Variants in PARN observed in about 807,000 individuals in gnomAD.
The protein encoded by PARN is poly(A)-specific ribonuclease PARN.
A neutral mutation model predicts 102.8 loss-of-function variants in PARN; 71 were observed. The observed-to-expected ratio is 0.69, with a 90% confidence interval of 0.57 to 0.84. The LOEUF (loss-of-function observed/expected upper bound fraction) is 0.84. Ranked by LOEUF, PARN falls within the 40% of genes least tolerant of loss-of-function variation. The probability of loss-of-function intolerance (pLI) is 0.00; values close to 1 mark genes in which losing one functional copy is unlikely to be tolerated. For missense variants in PARN, 782 were observed against 760.9 expected (o/e 1.03, Z -0.33); for synonymous variants, 261 against 252.9 (o/e 1.03, Z -0.30).
intron 22 of PARN, among the ~76,000 whole-genome samples, chr16:14,469,016 G>T (rs1236585224): frequency 2.0e-5 from 3 of 151,860 alleles, no homozygotes; most frequent in Non-Finnish European, 4.4e-5. Flanking sequence ...TAAAAAAACG[G>T]GTCTGGTACA....
At chr16:14,440,961 G>C (rs1960915380) in intron 23 of PARN, among the ~76,000 whole-genome samples, 1 of 152,138 alleles carries the variant, frequency 6.6e-6, no homozygotes, top group African/African-American at 2.4e-5. Flanking sequence ...AGATGTCAAA[G>C]CTCATCAAAT....
intron 22 of PARN, among the ~76,000 whole-genome samples, chr16:14,472,626 T>C (rs1028407027): frequency 6.6e-6 from 1 of 152,206 alleles, no homozygotes; most frequent in Non-Finnish European, 1.5e-5. Context: ...ACAAAAAACA[T>C]GGCACCTGCC....
chr16:14,559,337 C>T (rs17260584), intron 18 of PARN, among the ~76,000 whole-genome samples: 25,831 of 151,026 alleles, frequency 0.17, 2,722 homozygotes, highest in Middle Eastern at 0.28. Flanking sequence ...TAATATTTCA[C>T]CTGAATTTTC....
In PARN at chr16:14,630,098, G is replaced by A. The variant is rs1374950366; in HGVS notation, c.19+9C>T. 1.9e-6 allele frequency: 3 copies of A among 1,559,048 alleles called. No individual in the cohort carries two copies. Among genetic ancestry groups the A allele is most frequent in the Non-Finnish European group, 2.6e-6 (3 of 1,150,360 alleles). Reference sequence around the variant, plus strand: ...TGGGGAGGCGGGGAGGTGTACGGCGGACACGCACTGCTCCTGATTATCTCC... The same window carrying A: ...TGGGGAGGCGGGGAGGTGTACGGCGAACACGCACTGCTCCTGATTATCTCC... On this transcript the variant is annotated intron_variant, in intron 1 of 23. Transcript: ENST00000437198.
intron 22 of PARN, among the ~76,000 whole-genome samples, chr16:14,464,045 A>G (rs1030400913): frequency 2.0e-5 from 3 of 152,040 alleles, no homozygotes; most frequent in Non-Finnish European, 4.4e-5. Flanking sequence ...GTTTTGCCAT[A>G]TTGCCCAGGC....
chr16:14,557,052 A>T (rs1967734685), intron 18 of PARN, among the ~76,000 whole-genome samples: 1 of 152,186 alleles, frequency 6.6e-6, no homozygotes, highest in African/African-American at 2.4e-5. Flanking sequence ...CATGCCATTC[A>T]ATTTTCTTTT....
chr16:14,516,477 G>A (rs943281149), intron 21 of PARN, among the ~76,000 whole-genome samples: 8 of 151,988 alleles, frequency 5.3e-5, no homozygotes, highest in African/African-American at 9.7e-5. Flanking sequence ...AAAATTCAGC[G>A]CATCTGGTCA....
chr16:14,544,830 C>A (rs2151694113), intron 21 of PARN, among the ~76,000 whole-genome samples: 1 of 152,252 alleles, frequency 6.6e-6, no homozygotes, highest in Non-Finnish European at 1.5e-5. Context: ...ATTCTACAAT[C>A]ACAGGCGATT....
chr16:14,618,742 T>G (rs1243157807), intron 5 of PARN, among the ~76,000 whole-genome samples: 1 of 152,064 alleles, frequency 6.6e-6, no homozygotes, highest in East Asian at 1.9e-4. Flanking sequence ...ACTGTTGCAG[T>G]ACTGACTAGG....
intron 21 of PARN, among the ~76,000 whole-genome samples, chr16:14,504,976 C>T (rs1157394842): frequency 6.6e-6 from 1 of 152,120 alleles, no homozygotes; most frequent in African/African-American, 2.4e-5. Context: ...ACGTGCAGTG[C>T]TATGGAGAAA....
At chr16:14,524,226 G>T (rs1354673426) in intron 21 of PARN, among the ~76,000 whole-genome samples, 1 of 152,084 alleles carries the variant, frequency 6.6e-6, no homozygotes, top group Non-Finnish European at 1.5e-5. Flanking sequence ...CAGCTACCTG[G>T]TTATGACTTC....
chr16:14,441,486 G>A (rs577619579), intron 23 of PARN, among the ~76,000 whole-genome samples: 1 of 152,326 alleles, frequency 6.6e-6, no homozygotes, highest in South Asian at 2.1e-4. Context: ...TCCACAGAGT[G>A]GACATCCGTA....
intron 6 of PARN, among the ~76,000 whole-genome samples, chr16:14,616,092 CAA>C (rs1228939621): frequency 1.3e-5 from 2 of 152,114 alleles, no homozygotes; most frequent in African/African-American, 4.8e-5. Flanking sequence ...GGAAAAAAAA[CAA>C]AATTTATGTA....
At chr16:14,610,898 G>A in intron 6 of PARN, 89 bp from the exon 7 acceptor site, 4 of 820,244 alleles carry the variant, frequency 4.9e-6, no homozygotes, top group Non-Finnish European at 8.0e-6. Flanking sequence ...AAATTACTCA[G>A]GAAAGATTTA....
intron 22 of PARN, among the ~76,000 whole-genome samples, chr16:14,464,451 A>G (rs1437448933): frequency 6.6e-6 from 1 of 152,168 alleles, no homozygotes; most frequent in Non-Finnish European, 1.5e-5. Context: ...CCCAGCAAAA[A>G]TATCTTTCAA....
At chr16:14,616,511 C>G (rs1429152527) in intron 6 of PARN, among the ~76,000 whole-genome samples, 1 of 152,176 alleles carries the variant, frequency 6.6e-6, no homozygotes, top group Non-Finnish European at 1.5e-5. Flanking sequence ...GCTGGGAGGC[C>G]AAGGCAGGTG....
At chr16:14,583,543 T>C (rs1015317753) in intron 16 of PARN, among the ~76,000 whole-genome samples, 2 of 152,208 alleles carry the variant, frequency 1.3e-5, no homozygotes, top group Admixed American at 6.5e-5. Flanking sequence ...TATATTGTTA[T>C]AGAAAAGGTC....
chr16:14,468,471 G>A (rs1194787395), intron 22 of PARN, among the ~76,000 whole-genome samples: 1 of 151,460 alleles, frequency 6.6e-6, no homozygotes, highest in African/African-American at 2.4e-5. Flanking sequence ...GAAAGAGAAG[G>A]AAGAGCAGTA....
At chr16:14,532,903 G>C (rs1596596547) in intron 21 of PARN, among the ~76,000 whole-genome samples, 1 of 151,596 alleles carries the variant, frequency 6.6e-6, no homozygotes, top group Admixed American at 6.6e-5. Context: ...GCCGGGAGAG[G>C]GGCTCCTCAC....
Sources: allele counts gnomAD v4.1 joint callset (sites outside exome capture counted in the v4.1 genomes callset), GRCh38; gene constraint gnomAD v4.1.1; transcripts MANE v1.5; gene names NCBI Gene and HGNC (gene_info 2026-07-23, HGNC 2026-07-21).